The following TTC28 variants were observed in gnomAD, a reference collection of about 807,000 sequenced individuals.
TTC28 encodes the protein tetratricopeptide repeat domain 28.
Under a neutral mutation model 198.0 loss-of-function variants are expected in TTC28, and 61 were observed. The observed-to-expected ratio is 0.31, with a 90% CI of 0.25 to 0.38. TTC28 has a LOEUF of 0.38. Among genes scored for constraint, TTC28 ranks in the 10% least tolerant of loss-of-function variants. The pLI is 1.00. For synonymous variants in TTC28, 1,171 were observed against 1,297.8 expected (o/e 0.90, Z 2.10); for missense variants, 2,678 against 3,164.0 (o/e 0.85, Z 3.69).
Position 28,371,319 on chromosome 22 carries a change from G to A in TTC28, c.382-64676C>T, listed in dbSNP as rs184908795. On this transcript the variant is annotated intron_variant, in intron 2 of 22. Coordinates refer to ENST00000397906, the MANE Select transcript of TTC28 (RefSeq NM_001145418.2). ...GATCGCTTGAGCTCAGGATCAGCCT[G>A]GGCAACATGGCAAAACCCCAGTACT... is the stretch of plus-strand genomic sequence containing the variant. 5.3e-5 allele frequency among the ~76,000 whole-genome samples: 8 copies of A among 150,540 alleles called. No homozygotes were observed. The East Asian group carries it at 1.4e-3, about 26-fold the overall frequency.
chr22:28,643,992 T>C (rs760361309), intron 1 of TTC28, among the ~76,000 whole-genome samples: 2 of 152,116 alleles, frequency 1.3e-5, no homozygotes, highest in Admixed American at 6.6e-5. Context: ...GGTGTGAAAG[T>C]GTAACAGGGT....
intron 12 of TTC28, among the ~76,000 whole-genome samples, chr22:28,053,254 C>T (rs1314801323): frequency 6.6e-6 from 1 of 152,226 alleles, no homozygotes; most frequent in African/African-American, 2.4e-5. Flanking sequence ...CCTATTGTCT[C>T]CCACTGCTGG....
intron 2 of TTC28, among the ~76,000 whole-genome samples, chr22:28,554,371 TA>T (rs35063705): frequency 0.061 from 7,550 of 122,952 alleles, 244 homozygotes; most frequent in African/African-American, 0.11. Context: ...AATGATCAAT[TA>T]AAAAAAAAAA....
intron 2 of TTC28, among the ~76,000 whole-genome samples, chr22:28,609,481 C>T (rs73170608): frequency 2.7e-4 from 41 of 151,932 alleles, no homozygotes; most frequent in African/African-American, 8.4e-4. Flanking sequence ...CACAAGGGGT[C>T]GGGGAATTCC....
chr22:28,401,005 T>G (rs1005231679), intron 2 of TTC28, among the ~76,000 whole-genome samples: 3 of 152,196 alleles, frequency 2.0e-5, no homozygotes, highest in African/African-American at 7.2e-5. Context: ...ATGTTTTAGC[T>G]TCTTTAATTC....
intron 2 of TTC28, among the ~76,000 whole-genome samples, chr22:28,525,437 G>A (rs1313101510): frequency 6.6e-6 from 1 of 152,128 alleles, no homozygotes; most frequent in African/African-American, 2.4e-5. Flanking sequence ...TTACAGGTGT[G>A]AGCCACCTCA....
At chr22:28,084,039 A>G (rs1336326983) in intron 12 of TTC28, among the ~76,000 whole-genome samples, 1 of 152,236 alleles carries the variant, frequency 6.6e-6, no homozygotes, top group South Asian at 2.1e-4. Flanking sequence ...GGAGCCCACC[A>G]CAGCTCAAGG....
chr22:28,066,304 GGTGT>G (rs1555910369), intron 12 of TTC28, among the ~76,000 whole-genome samples: 24 of 147,098 alleles, frequency 1.6e-4, no homozygotes, highest in South Asian at 6.4e-4. Context: ...GTGTGTGTGT[GGTGT>G]GTGTGTGTGT....
intron 2 of TTC28, among the ~76,000 whole-genome samples, chr22:28,340,294 A>G (rs777263498): frequency 2.5e-4 from 38 of 152,072 alleles, no homozygotes; most frequent in Non-Finnish European, 5.3e-4. Context: ...TCACATTTCT[A>G]TGAAATGTGA....
intron 12 of TTC28, among the ~76,000 whole-genome samples, chr22:28,062,262 T>C (rs1940572959): frequency 6.6e-6 from 1 of 152,018 alleles, no homozygotes; most frequent in African/African-American, 2.4e-5. Context: ...GGTTTCACCA[T>C]GTTGGTCAGG....
chr22:28,366,895 T>G (rs1333232911), intron 2 of TTC28, among the ~76,000 whole-genome samples: 2 of 152,018 alleles, frequency 1.3e-5, no homozygotes, highest in Non-Finnish European at 2.9e-5. Flanking sequence ...ATAACACGTG[T>G]AAATATACAT....
chr22:28,001,405 G>A lies in TTC28; in HGVS notation c.4367C>T (p.Pro1456Leu), dbSNP rs983039535. The change falls in exon 15 of 23, where the codon CCT (proline) becomes CTT (leucine). Residue 1456 changes from proline to leucine, a missense_variant. Around this residue, in one of 8 missense-constraint regions of TTC28, gnomAD observed 727 missense variants for 861.9 expected, o/e 0.84. Transcript: ENST00000397906. ...LYERFGLLAVPSIRSLSVQSK... is the reference protein window; with the variant it reads ...LYERFGLLAVLSIRSLSVQSK... ...CTGCACGCTGAGGGAGCGGATGGAA[G>A]GGACAGCAAGGAGGCCGAAGCGCTC... The A allele has an allele frequency of 3.2e-6, 5 of 1,551,146 alleles. No individual in the cohort carries two copies. The highest frequency in any genetic ancestry group is 2.4e-5 in the East Asian group (1 of 40,912).
Position 27,980,851 on chromosome 22 carries a change from T to C in TTC28, c.*1370A>G, listed in dbSNP as rs1009724686. Reference sequence around the variant, plus strand: ...TTGTCTTGCCTCAAGCTGGCAACAATTTAAGTTACCGTCAGAGCTGTAGGA... The same window carrying C: ...TTGTCTTGCCTCAAGCTGGCAACAACTTAAGTTACCGTCAGAGCTGTAGGA... On this transcript the variant is annotated 3_prime_UTR_variant, in exon 23 of 23. Transcript: ENST00000397906. 1.3e-5 allele frequency: 2 copies of C among 152,262 alleles called. No homozygotes were observed. Among genetic ancestry groups the C allele is most frequent in the African/African-American group, 4.8e-5 (2 of 41,468 alleles). The allele number at this position is 152,262 out of a possible 1,614,324, so 9.4% of individuals were successfully genotyped here.
At chr22:28,252,216 AGT>A (rs959915591) in intron 5 of TTC28, among the ~76,000 whole-genome samples, 1 of 152,214 alleles carries the variant, frequency 6.6e-6, no homozygotes, top group African/African-American at 2.4e-5. Flanking sequence ...AGCCATAGCC[AGT>A]GGGAAATATC....
intron 12 of TTC28, among the ~76,000 whole-genome samples, chr22:28,038,525 G>T (rs1446860143): frequency 1.3e-5 from 2 of 152,066 alleles, no homozygotes; most frequent in African/African-American, 2.4e-5. Flanking sequence ...AATTCAAGAT[G>T]GATTAAAGAC....
intron 5 of TTC28, among the ~76,000 whole-genome samples, chr22:28,288,996 C>T (rs996175488): frequency 2.0e-5 from 3 of 152,122 alleles, no homozygotes; most frequent in Non-Finnish European, 2.9e-5. Flanking sequence ...TAGTATACAT[C>T]CTTTCTCCTC....
chr22:28,096,441 T>C (rs1266227424), intron 10 of TTC28, 33 bp from the exon 11 acceptor site: 10 of 1,547,718 alleles, frequency 6.5e-6, no homozygotes, highest in East Asian at 2.4e-5. Flanking sequence ...GAGGAGTCCA[T>C]AGTGAGTGTG....
At chr22:28,295,198 A>G (rs2044869922) in intron 5 of TTC28, among the ~76,000 whole-genome samples, 2 of 152,168 alleles carry the variant, frequency 1.3e-5, no homozygotes, top group South Asian at 4.1e-4. Flanking sequence ...CTAGTGCCTG[A>G]CCATGTTCCT....
intron 2 of TTC28, among the ~76,000 whole-genome samples, chr22:28,523,174 TA>T (rs1197117556): frequency 8.5e-5 from 13 of 152,048 alleles, no homozygotes; most frequent in Non-Finnish European, 1.9e-4. Flanking sequence ...ATGTAACATG[TA>T]AACACAAACC....
Sources: gnomAD v4.1 joint callset for allele counts (sites outside exome capture counted in the v4.1 genomes callset) on GRCh38, gnomAD v4.1.1 for gene constraint, gnomAD v4.1.1 regional missense constraint, MANE v1.5 for transcripts, NCBI Gene and HGNC (gene_info 2026-07-23, HGNC 2026-07-21) for gene names.